The following SLC25A43 variants were observed in gnomAD, a reference collection of about 807,000 sequenced individuals.
SLC25A43 encodes the protein solute carrier family 25, member 43.
Under a neutral mutation model 22.8 loss-of-function variants are expected in SLC25A43, and 10 were observed. The ratio of observed to expected loss-of-function variants is 0.44; its 90% CI spans 0.27 to 0.74. SLC25A43 has a LOEUF of 0.74. SLC25A43 is among the 30% of genes least tolerant of loss of function. The probability of loss-of-function intolerance (pLI) is 0.17; values close to 1 mark genes in which losing one functional copy is unlikely to be tolerated. For synonymous variants in SLC25A43, 106 were observed against 121.6 expected, an observed-to-expected ratio of 0.87 and a Z score of 0.84; for missense variants, 233 against 279.1, an observed-to-expected ratio of 0.83 and a Z score of 1.18.
intron 3 of SLC25A43, among the ~76,000 whole-genome samples, chrX:119,433,015 T>C (rs2052567686): frequency 9.0e-6 from 1 of 110,661 alleles, no homozygotes; most frequent in African/African-American, 3.3e-5. Flanking sequence ...AGAGAATTGT[T>C]TGAACCCGGG....
At chrX:119,403,678 C>T (rs996549338) in intron 1 of SLC25A43, among the ~76,000 whole-genome samples, 2 of 112,027 alleles carry the variant, frequency 1.8e-5, no homozygotes, top group Admixed American at 9.4e-5. Flanking sequence ...GAGGGAGGAA[C>T]GAGGAAGTGG....
At chrX:119,451,425 C>T (rs1263335585) in intron 3 of SLC25A43, among the ~76,000 whole-genome samples, 2 of 111,687 alleles carry the variant, frequency 1.8e-5, no homozygotes, top group East Asian at 2.8e-4. Context: ...CTTCAATGAA[C>T]GTGGAAGAGT....
intron 3 of SLC25A43, among the ~76,000 whole-genome samples, chrX:119,446,967 T>G (rs772590806): frequency 8.9e-6 from 1 of 112,188 alleles, no homozygotes; most frequent in South Asian, 3.7e-4. Context: ...ATTCTCTTTT[T>G]TTTTGAGACA....
Position 119,399,395 on chromosome X carries a change from C to G in SLC25A43, c.-9C>G. On this transcript the variant is annotated 5_prime_UTR_variant, in exon 1 of 5. Transcript: ENST00000217909. Reference sequence around the variant, plus strand: ...GCCACGCGGTCTTCCGGGCCCGGGTCGGGGCTCGATGGCTACGTGGAGGCG... The same window carrying G: ...GCCACGCGGTCTTCCGGGCCCGGGTGGGGGCTCGATGGCTACGTGGAGGCG... 1 of 994,490 alleles carries G rather than the reference C, an allele frequency of 1.0e-6. No individual in the cohort carries two copies. The highest frequency in any genetic ancestry group is 1.3e-6 in the Non-Finnish European group (1 of 788,484). The allele number at this position is 994,490 out of a possible 1,213,427, so 82.0% of individuals were successfully genotyped here.
intron 1 of SLC25A43, among the ~76,000 whole-genome samples, chrX:119,403,273 C>T (rs2052253925): frequency 1.8e-5 from 2 of 110,297 alleles, no homozygotes; most frequent in East Asian, 2.8e-4. Flanking sequence ...TTGCTGCAGA[C>T]CGCCCCTCCA....
In SLC25A43 at chrX:119,453,323, T is replaced by C. The variant is rs145571197; in HGVS notation, c.*258T>C. On this transcript the variant is annotated 3_prime_UTR_variant, in exon 5 of 5. Coordinates refer to ENST00000217909, the MANE Select transcript of SLC25A43 (RefSeq NM_145305.3). ...TTTTATAACCAGAGTCTAGCAGTGA[T>C]AAAATGTACAATTTACGCTCTGAAT... 294 of 350,448 alleles carry C rather than the reference T, an allele frequency of 8.4e-4. 2 individuals are homozygous for C. Among genetic ancestry groups the C allele is most frequent in the African/African-American group, 6.8e-3 (264 of 38,683 alleles). 28.9% of individuals were successfully genotyped at this position (350,448 alleles called of 1,213,427 possible). A position where few individuals can be genotyped will look rare whatever the true frequency, so the allele number is the denominator to read the frequency against.
Position 119,453,028 on chromosome X carries a change from A to G in SLC25A43, c.989A>G (p.Lys330Arg). The change falls in exon 5 of 5, where the codon AAA becomes AGA. Residue 330 changes from lysine (K) to arginine (R), a missense_variant. Transcript: ENST00000217909. Reference protein sequence around the residue: ...QELRELKKFFKTRKPKPKKPT... With the variant: ...QELRELKKFFRTRKPKPKKPT... ...TTACGAGAATTAAAGAAGTTCTTCA[A>G]AACGAGAAAACCGAAGCCTAAAAAA... is the stretch of plus-strand genomic sequence containing the variant. 1 of 1,211,390 alleles carries G rather than the reference A, an allele frequency of 8.3e-7. No individual in the cohort carries two copies. The highest frequency in any genetic ancestry group is 1.1e-6 in the Non-Finnish European group (1 of 895,246).
chrX:119,442,035 A>G (rs1308286375), intron 3 of SLC25A43, among the ~76,000 whole-genome samples: 1 of 111,715 alleles, frequency 9.0e-6, no homozygotes, highest in Non-Finnish European at 1.9e-5. Flanking sequence ...GGTTGCAATG[A>G]GCCGAGATTG....
At chrX:119,448,298 T>G (rs1217780649) in intron 3 of SLC25A43, among the ~76,000 whole-genome samples, 1 of 111,356 alleles carries the variant, frequency 9.0e-6, no homozygotes, top group East Asian at 2.8e-4. Flanking sequence ...ATCCTACTTT[T>G]CCCTCCATTC....
chrX:119,433,547 G>A (rs146285010), intron 3 of SLC25A43, among the ~76,000 whole-genome samples: 99 of 112,050 alleles, frequency 8.8e-4, no homozygotes, highest in Middle Eastern at 4.6e-3. Context: ...AATTGTAAAG[G>A]GTTTTGAATT....
At chrX:119,409,555 C>G (rs1259982741) in intron 2 of SLC25A43, among the ~76,000 whole-genome samples, 1 of 104,744 alleles carries the variant, frequency 9.5e-6, no homozygotes, top group Non-Finnish European at 2.0e-5. Flanking sequence ...TTGCAAATAT[C>G]AATACACTTC....
At chrX:119,415,165 C>T (rs1569368323) in intron 3 of SLC25A43, among the ~76,000 whole-genome samples, 1 of 109,528 alleles carries the variant, frequency 9.1e-6, no homozygotes, top group Non-Finnish European at 1.9e-5. Flanking sequence ...CCTCGTGATC[C>T]GCCTGCCTTG....
At chrX:119,432,849 G>A (rs988644282) in intron 3 of SLC25A43, among the ~76,000 whole-genome samples, 13 of 106,689 alleles carry the variant, frequency 1.2e-4, no homozygotes, top group African/African-American at 3.8e-4. Context: ...AGTGGCTCAC[G>A]CCTGTAATCC....
At chrX:119,446,594 G>A (rs1410490609) in intron 3 of SLC25A43, among the ~76,000 whole-genome samples, 1 of 112,671 alleles carries the variant, frequency 8.9e-6, no homozygotes, top group African/African-American at 3.2e-5. Context: ...CTTGTGAAGA[G>A]AGAAATGAAA....
intron 3 of SLC25A43, among the ~76,000 whole-genome samples, chrX:119,414,516 C>G (rs1161052064): frequency 9.1e-6 from 1 of 110,246 alleles, no homozygotes. Context: ...CACCTGCCAC[C>G]ATGCCTGGCT....
At chrX:119,429,085 T>TG (rs1480903221) in intron 3 of SLC25A43, among the ~76,000 whole-genome samples, 1 of 103,660 alleles carries the variant, frequency 9.6e-6, no homozygotes, top group African/African-American at 3.6e-5. Flanking sequence ...TTTTTTGAGA[T>TG]GGAGTCGCCA....
At position 119,453,849 on chromosome X, in the gene SLC25A43, T is replaced by A. The variant is rs773619586; in HGVS notation, c.*784T>A. The stretch of plus-strand genomic sequence containing the variant: ...GTACAATCTTTTTTGAACTCAAATT[T>A]TTGCTGACATCTGAGTGCACACACC... On this transcript the variant is annotated 3_prime_UTR_variant, in exon 5 of 5. Transcript: ENST00000217909. The A allele has an allele frequency of 8.9e-6, 1 of 112,364 alleles. No homozygotes were observed. Among genetic ancestry groups the A allele is most frequent in the Non-Finnish European group, 1.9e-5 (1 of 53,273 alleles). The allele number at this position is 112,364 out of a possible 1,213,427, so 9.3% of individuals were successfully genotyped here. A position where few individuals can be genotyped will look rare whatever the true frequency, so the allele number is the denominator to read the frequency against.
intron 3 of SLC25A43, among the ~76,000 whole-genome samples, chrX:119,424,399 A>G (rs1307673057): frequency 9.0e-6 from 1 of 111,356 alleles, no homozygotes; most frequent in Non-Finnish European, 1.9e-5. Context: ...CACTTACCCA[A>G]CCATCACATA....
At chrX:119,449,427 A>AAT (rs1556109103) in intron 3 of SLC25A43, among the ~76,000 whole-genome samples, 1 of 107,220 alleles carries the variant, frequency 9.3e-6, no homozygotes, top group South Asian at 4.1e-4. Flanking sequence ...AAAAAAAAAA[A>AAT]AAGAAGAAGA....
Sources: gnomAD v4.1 joint callset for allele counts (sites outside exome capture counted in the v4.1 genomes callset) on GRCh38, gnomAD v4.1.1 for gene constraint, MANE v1.5 for transcripts, NCBI Gene and HGNC (gene_info 2026-07-23, HGNC 2026-07-21) for gene names.